ZNF268: variants seen among roughly 807,000 people sequenced by gnomAD.
The protein encoded by ZNF268 is zinc finger protein 3.
In ZNF268, 20 loss-of-function variants were observed where a neutral mutation model predicts 29.3. The observed-to-expected ratio is 0.68, with a 90% CI of 0.48 to 0.99. The LOEUF (loss-of-function observed/expected upper bound fraction) is 0.99, where lower values mean the gene tolerates loss of function less well. Ranked by LOEUF, ZNF268 falls within the 50% of genes least tolerant of loss-of-function variation. ZNF268 has a pLI of 0.00. For missense variants in ZNF268, 1,240 were observed against 1,121.6 expected, an observed-to-expected ratio of 1.11 and a Z score of -1.51; for synonymous variants, 429 against 376.9, an observed-to-expected ratio of 1.14 and a Z score of -1.60.
intron 3 of ZNF268, among the ~76,000 whole-genome samples, chr12:133,188,351 A>G (rs1380279393): frequency 6.6e-6 from 1 of 151,970 alleles, no homozygotes; most frequent in African/African-American, 2.4e-5. Context: ...AAGTGCCACC[A>G]TGCCTGGCTG....
In ZNF268 at chr12:133,210,428, G is replaced by T. The variant is rs569725107; in HGVS notation, c.*5898G>T. 3.0e-5 allele frequency: 6 copies of T among 197,564 alleles called. No homozygotes were observed. In the South Asian group the frequency reaches 5.9e-4, roughly 19 times the overall value. 12.2% of individuals were successfully genotyped at this position (197,564 alleles called of 1,614,324 possible). On this transcript the variant is annotated 3_prime_UTR_variant, in exon 6 of 6. Transcript: ENST00000536435. ...TCCCAGGGGTCCCCAGGTTGGTCCT[G>T]AGGAGAAGGAAGCTCAGAACCTCAC...
chr12:133,202,704 ACATT>A lies in ZNF268; in HGVS notation c.1021_1024del (p.Phe341ValfsTer58). ...ACATGAATGCAGTGAATGCAGGAAAACATTCAGTTTCCATTCACAGCTTGTTATA... is the reference window on the plus strand; with the variant it reads ...ACATGAATGCAGTGAATGCAGGAAAACAGTTTCCATTCACAGCTTGTTATA... On this transcript the variant is annotated frameshift_variant, in exon 6 of 6. Transcript: ENST00000536435. LOFTEE classifies it low-confidence loss of function (END_TRUNC). 1.9e-6 allele frequency: 3 copies of A among 1,611,188 alleles called. No homozygotes were observed. Among genetic ancestry groups the A allele is most frequent in the Non-Finnish European group, 2.5e-6 (3 of 1,178,732 alleles).
rs1261970431 is a variant in ZNF268 at position 133,212,479 on chromosome 12, ATATATATATATATATATATG to A, written c.*7958_*7977del. 1,551 of 11,138 alleles carry A rather than the reference ATATATATATATATATATATG, an allele frequency of 0.14. 27 individuals are homozygous for A. Among genetic ancestry groups the A allele is most frequent in the African/African-American group, 0.24 (637 of 2,668 alleles). 0.7% of individuals were successfully genotyped at this position (11,138 alleles called of 1,614,324 possible). On this transcript the variant is annotated 3_prime_UTR_variant, in exon 6 of 6. Transcript: ENST00000536435. ...TATATATATATATATATATATATAT[ATATATATATATATATATATG>A]TATATATACACACACACATACACAC...
At chr12:133,197,795 T>C (rs1203219816) in intron 5 of ZNF268, among the ~76,000 whole-genome samples, 1 of 152,196 alleles carries the variant, frequency 6.6e-6, no homozygotes, top group East Asian at 1.9e-4. Flanking sequence ...CCAGTGATGA[T>C]GAGCATTTTT....
Position 133,202,227 on chromosome 12 carries a change from T to A in ZNF268, c.541T>A (p.Cys181Ser), listed in dbSNP as rs1195167608. The change falls in exon 6 of 6, where the codon TGC (cysteine) becomes AGC (serine). Residue 181 changes from cysteine (C) to serine (S), a missense_variant. Coordinates refer to ENST00000536435, the MANE Select transcript of ZNF268 (RefSeq NM_003415.3). ...KLGSTAKSFECTTFGKLCLLS... is the reference protein window; with the variant it reads ...KLGSTAKSFESTTFGKLCLLS... ...GGGAAGTACGGCAAAAAGCTTTGAA[T>A]GCACTACATTTGGAAAACTATGTCT... 1 of 1,611,280 alleles carries A rather than the reference T, an allele frequency of 6.2e-7. No individual in the cohort carries two copies.
At chr12:133,199,957 G>C (rs925070280) in intron 5 of ZNF268, among the ~76,000 whole-genome samples, 2 of 152,036 alleles carry the variant, frequency 1.3e-5, no homozygotes, top group East Asian at 3.8e-4. Flanking sequence ...TATCAATTTT[G>C]TTGATCCTTT....
rs1956762681 is a variant in ZNF268, at chr12:133,202,065, GTTC to G, written c.458-76_458-74del. The G allele has an allele frequency of 4.2e-6, 5 of 1,187,944 alleles. No homozygotes were observed. In the East Asian group the frequency reaches 7.3e-5, roughly 17 times the overall value. 73.6% of individuals were successfully genotyped at this position (1,187,944 alleles called of 1,614,324 possible). ...TGTGATTTATAACATGTGACTAATT[GTTC>G]TTATTTCATAGGCAACTTTCTAGTA... On this transcript the variant is annotated intron_variant, in intron 5 of 5. Coordinates refer to ENST00000536435, the MANE Select transcript of ZNF268 (RefSeq NM_003415.3).
In ZNF268 at chr12:133,191,627, C is replaced by G. The variant is rs1441391025; in HGVS notation, c.361+12C>G. 1 of 1,613,434 alleles carries G rather than the reference C, an allele frequency of 6.2e-7. No homozygotes were observed. Among genetic ancestry groups the G allele is most frequent in the Admixed American group, 1.7e-5 (1 of 59,950 alleles). On this transcript the variant is annotated intron_variant, in intron 4 of 5. Coordinates refer to ENST00000536435, the MANE Select transcript of ZNF268 (RefSeq NM_003415.3). The stretch of plus-strand genomic sequence containing the variant: ...CCTGGTGTCCCTAGGTAAGTGCTGC[C>G]TCCCTGAGGAGGAGTGTGCTCGATC...
At chr12:133,193,372 A>G (rs1956519780) in intron 5 of ZNF268, 2 of 573,614 alleles carry the variant, frequency 3.5e-6, no homozygotes, top group Non-Finnish European at 6.2e-6. Flanking sequence ...GTGTTGCTGT[A>G]ATAAAATACT....
chr12:133,199,686 A>G (rs1342639007), intron 5 of ZNF268, among the ~76,000 whole-genome samples: 6 of 151,978 alleles, frequency 3.9e-5, no homozygotes, highest in African/African-American at 1.4e-4. Context: ...TTGGTTGGTA[A>G]GCTATTGATT....
rs990396541 is a variant in ZNF268, at chr12:133,214,720, G to T, written c.*10190G>T. ...GATGAAACTATTTTGGAACTAAGAG[G>T]TGGTGGCTGCACAATGTTGTGCATG... On this transcript the variant is annotated 3_prime_UTR_variant, in exon 6 of 6. Transcript: ENST00000536435. 1.3e-5 allele frequency: 2 copies of T among 152,178 alleles called. No homozygotes were observed. The highest frequency in any genetic ancestry group is 4.1e-4 in the South Asian group (2 of 4,830). 9.4% of individuals were successfully genotyped at this position (152,178 alleles called of 1,614,324 possible).
At chr12:133,192,072 T>A in intron 5 of ZNF268, 69 bp downstream of exon 5, 1 of 1,328,470 alleles carries the variant, frequency 7.5e-7, no homozygotes, top group African/African-American at 1.5e-5. Context: ...GATGTGCTCC[T>A]CTTGTTTGTA....
chr12:133,197,456 G>T (rs1201184331), intron 5 of ZNF268, among the ~76,000 whole-genome samples: 1 of 151,722 alleles, frequency 6.6e-6, no homozygotes, highest in Non-Finnish European at 1.5e-5. Context: ...ATTTGGGTTG[G>T]TTCCAAGTCT....
In ZNF268 at chr12:133,206,579, A is replaced by G. The variant is rs1263980156; in HGVS notation, c.*2049A>G. The G allele has an allele frequency of 6.6e-6, 1 of 152,170 alleles. No individual in the cohort carries two copies. The highest frequency in any genetic ancestry group is 1.5e-5 in the Non-Finnish European group (1 of 68,034). The allele number at this position is 152,170 out of a possible 1,614,324, so 9.4% of individuals were successfully genotyped here. Reference sequence around the variant, plus strand: ...GGAAGAGTGGGACCCTGCCAGTTAGATTAGGGCTATCTTGGAGGAATATGC... The same window carrying G: ...GGAAGAGTGGGACCCTGCCAGTTAGGTTAGGGCTATCTTGGAGGAATATGC... On this transcript the variant is annotated 3_prime_UTR_variant, in exon 6 of 6. Transcript: ENST00000536435.
At chr12:133,196,797 A>T (rs1203074693) in intron 5 of ZNF268, among the ~76,000 whole-genome samples, 16 of 152,154 alleles carry the variant, frequency 1.1e-4, no homozygotes. Flanking sequence ...TAGTGCATTA[A>T]CGGAAGATAA....
chr12:133,190,582 A>G (rs918316611), intron 3 of ZNF268, among the ~76,000 whole-genome samples: 1 of 152,146 alleles, frequency 6.6e-6, no homozygotes, highest in Non-Finnish European at 1.5e-5. Flanking sequence ...CTCATTTACC[A>G]TCTGTATATT....
intron 3 of ZNF268, 166 bp downstream of exon 3, chr12:133,188,238 C>T: frequency 1.6e-6 from 1 of 635,408 alleles, no homozygotes; most frequent in South Asian, 2.0e-5. Flanking sequence ...GGTCTGTTGC[C>T]CAGAGTGGAG....
rs1956963049 is a variant in ZNF268, at chr12:133,210,576, C to T, written c.*6046C>T. 2 of 301,944 alleles carry T rather than the reference C, an allele frequency of 6.6e-6. No homozygotes were observed. The highest frequency in any genetic ancestry group is 1.3e-5 in the Non-Finnish European group (2 of 149,894). The allele number at this position is 301,944 out of a possible 1,614,324, so 18.7% of individuals were successfully genotyped here. On this transcript the variant is annotated 3_prime_UTR_variant, in exon 6 of 6. Coordinates refer to ENST00000536435, the MANE Select transcript of ZNF268 (RefSeq NM_003415.3). ...CAGTGGAGAAGGAAGCTCTGGTTCTCAGTGTGATGCATCCCCCAGGTTGGT... is the reference window on the plus strand; with the variant it reads ...CAGTGGAGAAGGAAGCTCTGGTTCTTAGTGTGATGCATCCCCCAGGTTGGT...
chr12:133,204,814 G>T lies in ZNF268; in HGVS notation c.*284G>T. 1 of 294,652 alleles carries T rather than the reference G, an allele frequency of 3.4e-6. No individual in the cohort carries two copies. 18.3% of individuals were successfully genotyped at this position (294,652 alleles called of 1,614,324 possible). ...AAAGTTCATACAGGTGAGGAACCAT[G>T]TTAAACGTTGTAAAGTCATTTTACT... On this transcript the variant is annotated 3_prime_UTR_variant, in exon 6 of 6. Coordinates refer to ENST00000536435, the MANE Select transcript of ZNF268 (RefSeq NM_003415.3).
Sources: gnomAD v4.1 joint callset for allele counts (sites outside exome capture counted in the v4.1 genomes callset) on GRCh38, gnomAD v4.1.1 for gene constraint, MANE v1.5 for transcripts, NCBI Gene and HGNC (gene_info 2026-07-23, HGNC 2026-07-21) for gene names.